The following EYS variants were observed in gnomAD, a reference collection of about 807,000 sequenced individuals.
EYS encodes protein eyes shut homolog.
In EYS, 250 loss-of-function variants were observed where a neutral mutation model predicts 282.1. The observed-to-expected ratio is 0.89, with a 90% CI of 0.80 to 0.98. EYS has a LOEUF of 0.98. EYS is among the 50% of genes least tolerant of loss of function. EYS has a pLI of 0.00. For synonymous variants in EYS, 1,355 were observed against 1,282.9 expected (o/e 1.06, Z -1.20); for missense variants, 4,016 against 3,709.0 (o/e 1.08, Z -2.15).
chr6:63,970,057 T>G (rs1766483421), intron 35 of EYS, among the ~76,000 whole-genome samples: 1 of 152,022 alleles, frequency 6.6e-6, no homozygotes, highest in Non-Finnish European at 1.5e-5. Context: ...CATGGGTTAT[T>G]GGGTTGGAGA....
intron 29 of EYS, among the ~76,000 whole-genome samples, chr6:64,318,812 A>G (rs1770085797): frequency 6.6e-6 from 1 of 151,864 alleles, no homozygotes; most frequent in African/African-American, 2.4e-5. Context: ...TTTGTGGGGT[A>G]TATGAGATAT....
intron 1 of EYS, among the ~76,000 whole-genome samples, chr6:65,690,938 T>G (rs1305532353): frequency 6.6e-6 from 1 of 150,422 alleles, no homozygotes; most frequent in Non-Finnish European, 1.5e-5. Context: ...CTGCACAGTA[T>G]TCCATGGTGT....
intron 22 of EYS, among the ~76,000 whole-genome samples, chr6:64,629,331 TGAG>T (rs1263023288): frequency 6.6e-6 from 1 of 152,132 alleles, no homozygotes; most frequent in African/African-American, 2.4e-5. Context: ...GCTTAAGAGA[TGAG>T]AAGTCATGCA....
intron 12 of EYS, among the ~76,000 whole-genome samples, chr6:65,137,438 A>C (rs1776052632): frequency 1.3e-5 from 2 of 152,112 alleles, no homozygotes; most frequent in Admixed American, 1.3e-4. Flanking sequence ...GGCCATGATA[A>C]AGACTGACCA....
intron 31 of EYS, among the ~76,000 whole-genome samples, chr6:64,218,052 C>A (rs1765987453): frequency 6.6e-6 from 1 of 152,154 alleles, no homozygotes; most frequent in Non-Finnish European, 1.5e-5. Flanking sequence ...ATGAGAACTG[C>A]AGAAATCTCA....
At chr6:64,202,367 C>T (rs1377763208) in intron 31 of EYS, among the ~76,000 whole-genome samples, 1 of 152,048 alleles carries the variant, frequency 6.6e-6, no homozygotes, top group African/African-American at 2.4e-5. Flanking sequence ...TAGACTCTAC[C>T]CATCACCACT....
At chr6:64,470,607 CA>C (rs1347735007) in intron 26 of EYS, among the ~76,000 whole-genome samples, 2 of 152,012 alleles carry the variant, frequency 1.3e-5, no homozygotes, top group African/African-American at 4.8e-5. Context: ...TAAAAAAATG[CA>C]AAAAGTCTCA....
At chr6:64,291,079 T>C (rs368326391) in intron 30 of EYS, among the ~76,000 whole-genome samples, 2 of 84,260 alleles carry the variant, frequency 2.4e-5, no homozygotes, top group Non-Finnish European at 5.1e-5. Flanking sequence ...GTTGCAAAGC[T>C]AGTAGAAAAC....
At chr6:65,442,790 A>G in intron 5 of EYS, among the ~76,000 whole-genome samples, 1 of 149,454 alleles carries the variant, frequency 6.7e-6, no homozygotes, top group Non-Finnish European at 1.5e-5. Flanking sequence ...TTAAAAAAAA[A>G]TATATAGACA....
At chr6:64,155,222 T>C (rs1453830998) in intron 31 of EYS, among the ~76,000 whole-genome samples, 1 of 152,176 alleles carries the variant, frequency 6.6e-6, no homozygotes. Flanking sequence ...CTGTATCTAA[T>C]ATGCAGTTTG....
At chr6:65,116,618 G>A (rs1775381673) in intron 12 of EYS, among the ~76,000 whole-genome samples, 1 of 151,990 alleles carries the variant, frequency 6.6e-6, no homozygotes, top group African/African-American at 2.4e-5. Context: ...CTGTACCTGA[G>A]TCCTTCAGGA....
intron 32 of EYS, among the ~76,000 whole-genome samples, chr6:64,074,004 G>T (rs1771679796): frequency 6.6e-6 from 1 of 151,746 alleles, no homozygotes; most frequent in African/African-American, 2.4e-5. Context: ...GAAATATTAA[G>T]TTGGTGCAGA....
At chr6:65,533,039 A>T (rs1296815090) in intron 2 of EYS, among the ~76,000 whole-genome samples, 3 of 152,062 alleles carry the variant, frequency 2.0e-5, no homozygotes, top group Non-Finnish European at 4.4e-5. Context: ...GTTTTTAATT[A>T]AAAATATGTA....
At chr6:64,262,758 A>T (rs1767631039) in intron 30 of EYS, among the ~76,000 whole-genome samples, 1 of 151,924 alleles carries the variant, frequency 6.6e-6, no homozygotes, top group South Asian at 2.1e-4. Flanking sequence ...GAGTTCTTAC[A>T]GCCATCTAAA....
At chr6:63,832,134 C>A (rs987646069) in intron 36 of EYS, among the ~76,000 whole-genome samples, 15 of 152,078 alleles carry the variant, frequency 9.9e-5, no homozygotes, top group Non-Finnish European at 2.1e-4. Flanking sequence ...AAAATTGACA[C>A]CCTAACATCA....
intron 18 of EYS, among the ~76,000 whole-genome samples, chr6:64,899,085 C>G (rs111706915): frequency 2.6e-5 from 4 of 152,182 alleles, no homozygotes; most frequent in East Asian, 1.9e-4. Context: ...AGGACTTGAA[C>G]GCAACTCTGG....
At chr6:64,489,218 A>G (rs1230145406) in intron 26 of EYS, among the ~76,000 whole-genome samples, 1 of 150,840 alleles carries the variant, frequency 6.6e-6, no homozygotes, top group African/African-American at 2.4e-5. Flanking sequence ...ACTGAAATTT[A>G]TAATATATCA....
intron 1 of EYS, among the ~76,000 whole-genome samples, chr6:65,643,518 C>A (rs547202586): frequency 9.2e-5 from 14 of 152,092 alleles, no homozygotes; most frequent in Admixed American, 3.3e-4. Flanking sequence ...GGCTGAGAAA[C>A]CTGAATACTT....
intron 29 of EYS, among the ~76,000 whole-genome samples, chr6:64,387,873 T>C (rs1192088904): frequency 6.6e-6 from 1 of 152,146 alleles, no homozygotes; most frequent in Non-Finnish European, 1.5e-5. Context: ...ATTTTTGTTT[T>C]ATTTTATCTT....
Sources: gnomAD v4.1 joint callset for allele counts (sites outside exome capture counted in the v4.1 genomes callset) on GRCh38, gnomAD v4.1.1 for gene constraint, MANE v1.5 for transcripts, NCBI Gene and HGNC (gene_info 2026-07-23, HGNC 2026-07-21) for gene names.